ABCG2: variants seen among roughly 807,000 people sequenced by gnomAD.
The protein encoded by ABCG2 is broad substrate specificity ATP-binding cassette transporter ABCG2.
ABCG2 carries 80 observed loss-of-function variants against 73.5 expected under a neutral mutation model. That is an observed-to-expected ratio of 1.09 (90% CI 0.91 to 1.31). The LOEUF is 1.31. Ranked by LOEUF, ABCG2 falls within the 50% of genes most tolerant of loss-of-function variation. The pLI is 0.00. For synonymous variants in ABCG2, 269 were observed against 282.4 expected, an observed-to-expected ratio of 0.95 and a Z score of 0.48; for missense variants, 796 against 786.2, an observed-to-expected ratio of 1.01 and a Z score of -0.15.
At chr4:88,169,275 A>T (rs970419566) in intron 1 of ABCG2, among the ~76,000 whole-genome samples, 1 of 151,922 alleles carries the variant, frequency 6.6e-6, no homozygotes, top group Admixed American at 6.6e-5. Flanking sequence ...GGAACTCCTG[A>T]CCTCATGATC....
chr4:88,165,207 G>C lies in ABCG2; in HGVS notation c.-19-25193C>G, dbSNP rs537122024. On this transcript the variant is annotated intron_variant, in intron 1 of 15. Transcript: ENST00000515655. ...CTGATTTGGGATTTGGAAAAATGAT[G>C]AATATTTGAATAGACTTCTATTCGT... Among the ~76,000 whole-genome samples, 87 of 152,326 alleles carry C rather than the reference G, an allele frequency of 5.7e-4. 1 individual carries two copies. The highest frequency in any genetic ancestry group is 2.0e-3 in the African/African-American group (84 of 41,572).
intron 1 of ABCG2, among the ~76,000 whole-genome samples, chr4:88,149,617 C>T (rs1726303157): frequency 2.0e-5 from 3 of 152,012 alleles, no homozygotes; most frequent in Admixed American, 6.6e-5. Context: ...TTTGGGAGGC[C>T]GAGGCAGGCG....
At chr4:88,202,709 A>G (rs1729232995) in intron 1 of ABCG2, among the ~76,000 whole-genome samples, 1 of 151,688 alleles carries the variant, frequency 6.6e-6, no homozygotes, top group African/African-American at 2.4e-5. Context: ...ACCCCTTTAT[A>G]CTTGGCTGTC....
chr4:88,146,337 TAAG>T (rs1245340983), intron 1 of ABCG2, among the ~76,000 whole-genome samples: 1 of 112,784 alleles, frequency 8.9e-6, no homozygotes, highest in Non-Finnish European at 2.1e-5. Flanking sequence ...CTTACATAAG[TAAG>T]GTGGGAGTTT....
At chr4:88,180,198 T>C (rs1728176257) in intron 1 of ABCG2, among the ~76,000 whole-genome samples, 1 of 151,990 alleles carries the variant, frequency 6.6e-6, no homozygotes, top group African/African-American at 2.4e-5. Context: ...AAGTAACATA[T>C]AATGGAGCTC....
chr4:88,229,135 C>T (rs187975720), intron 1 of ABCG2, among the ~76,000 whole-genome samples: 1,827 of 152,298 alleles, frequency 0.012, 20 homozygotes, highest in Non-Finnish European at 0.019. Flanking sequence ...TCTTTGGGTC[C>T]GCACTACCTT....
intron 1 of ABCG2, among the ~76,000 whole-genome samples, chr4:88,154,346 G>A (rs1014524135): frequency 6.6e-6 from 1 of 152,206 alleles, no homozygotes; most frequent in Non-Finnish European, 1.5e-5. Flanking sequence ...CTTGTGTAGT[G>A]AGGAAACCTC....
At chr4:88,100,191 T>A (rs1457770376) in intron 11 of ABCG2, among the ~76,000 whole-genome samples, 8 of 142,932 alleles carry the variant, frequency 5.6e-5, no homozygotes, top group South Asian at 4.4e-4. Flanking sequence ...ACAAAAAAAT[T>A]AAAAAAAAAA....
rs545609075 is a variant in ABCG2 at position 88,166,479 on chromosome 4, T to C, written c.-19-26465A>G. On this transcript the variant is annotated intron_variant, in intron 1 of 15. Transcript: ENST00000515655. ...CCTGAGTAAGTGTAAATAAACCTTG[T>C]CTATTCTCCTGTTAATCCATCTATT... Among the ~76,000 whole-genome samples the C allele has an allele frequency of 8.3e-4, 127 of 152,296 alleles. 1 individual carries two copies. The highest frequency in any genetic ancestry group is 3.0e-3 in the African/African-American group (126 of 41,578).
intron 1 of ABCG2, among the ~76,000 whole-genome samples, chr4:88,175,235 A>C (rs1378119412): frequency 2.6e-5 from 4 of 152,198 alleles, no homozygotes; most frequent in Non-Finnish European, 5.9e-5. Context: ...TTAATGCAAA[A>C]TTATAAATCT....
At chr4:88,124,671 A>G (rs1724260489) in intron 5 of ABCG2, among the ~76,000 whole-genome samples, 1 of 152,228 alleles carries the variant, frequency 6.6e-6, no homozygotes, top group South Asian at 2.1e-4. Flanking sequence ...GCAAGTCCTT[A>G]GAGACCTACA....
At chr4:88,158,128 G>T (rs1727076276) in intron 1 of ABCG2, among the ~76,000 whole-genome samples, 1 of 152,080 alleles carries the variant, frequency 6.6e-6, no homozygotes, top group East Asian at 1.9e-4. Flanking sequence ...TTGGAGAAAG[G>T]CCAAGAGTTT....
chr4:88,189,411 G>C (rs937530052), intron 1 of ABCG2, among the ~76,000 whole-genome samples: 3 of 152,072 alleles, frequency 2.0e-5, no homozygotes, highest in African/African-American at 7.2e-5. Flanking sequence ...CCACTCAGGA[G>C]GCTGAGGCAG....
chr4:88,132,469 G>T, intron 3 of ABCG2, 107 bp downstream of exon 3: 1 of 1,174,130 alleles, frequency 8.5e-7, no homozygotes, highest in Non-Finnish European at 1.3e-6. Context: ...GACCTGACAT[G>T]CGTTGCAAAT....
At chr4:88,100,172 C>T (rs1294307839) in intron 11 of ABCG2, among the ~76,000 whole-genome samples, 2 of 142,892 alleles carry the variant, frequency 1.4e-5, no homozygotes, top group African/African-American at 5.2e-5. Context: ...ATAGTGAGAC[C>T]TTCTCTCTAC....
At chr4:88,197,948 T>G (rs564393229) in intron 1 of ABCG2, among the ~76,000 whole-genome samples, 4 of 148,340 alleles carry the variant, frequency 2.7e-5, no homozygotes, top group Non-Finnish European at 1.5e-5. Flanking sequence ...GATAATTGCT[T>G]GAACATGGGA....
intron 1 of ABCG2, among the ~76,000 whole-genome samples, chr4:88,149,691 A>AAT (rs1726312622): frequency 6.6e-6 from 1 of 151,972 alleles, no homozygotes; most frequent in Admixed American, 6.6e-5. Flanking sequence ...GTCTCTACTA[A>AAT]AAATACAAAA....
At position 88,179,729 on chromosome 4, in the gene ABCG2, T is replaced by C. The variant is rs374851566; in HGVS notation, c.-19-39715A>G. 7.9e-5 allele frequency among the ~76,000 whole-genome samples: 12 copies of C among 152,158 alleles called. No homozygotes were observed. In the East Asian group the frequency reaches 1.7e-3, roughly 22 times the overall value. On this transcript the variant is annotated intron_variant, in intron 1 of 15. Transcript: ENST00000515655. ...GAGTCCTAAAAATGTAACAAAACAA[T>C]TGAAATAACTAAAAGGAATCAAACA...
chr4:88,145,930 G>A (rs1476242323), intron 1 of ABCG2, among the ~76,000 whole-genome samples: 1 of 152,114 alleles, frequency 6.6e-6, no homozygotes. Context: ...GCAAGACCCT[G>A]TCTCAATAAA....
Sources: allele counts gnomAD v4.1 joint callset (sites outside exome capture counted in the v4.1 genomes callset), GRCh38; gene constraint gnomAD v4.1.1; transcripts MANE v1.5; gene names NCBI Gene and HGNC (gene_info 2026-07-23, HGNC 2026-07-21).